Variants in HDAC8 observed in about 807,000 individuals in gnomAD.
HDAC8 encodes the protein histone deacetylase 8, also known as histone deacetylase-like 1.
HDAC8 carries 1 observed loss-of-function variant against 32.2 expected under a neutral mutation model. The observed-to-expected ratio is 0.03, with a 90% CI of 0.01 to 0.15. The LOEUF is 0.15. Ranked by LOEUF, HDAC8 falls within the 10% of genes least tolerant of loss-of-function variation. The pLI, the probability that HDAC8 is intolerant of heterozygous loss-of-function variation, is 1.00. For missense variants in HDAC8, 117 were observed against 300.0 expected (o/e 0.39, Z 4.51); for synonymous variants, 108 against 113.9 (o/e 0.95, Z 0.33).
At chrX:72,547,402 T>C (rs1392615509) in intron 4 of HDAC8, among the ~76,000 whole-genome samples, 1 of 107,370 alleles carries the variant, frequency 9.3e-6, no homozygotes, top group Non-Finnish European at 1.9e-5. Context: ...CCTCTTGGGG[T>C]TCTAGGCTCT....
At chrX:72,492,342 T>C in intron 5 of HDAC8, among the ~76,000 whole-genome samples, 1 of 111,881 alleles carries the variant, frequency 8.9e-6, no homozygotes, top group Non-Finnish European at 1.9e-5. Context: ...TTCATAAGTT[T>C]AGTGGCCATT....
In HDAC8 at chrX:72,372,266, C is replaced by T. The variant is rs190103326; in HGVS notation, c.1006-20428G>A. On this transcript the variant is annotated intron_variant, in intron 9 of 10. Coordinates refer to ENST00000373573, the MANE Select transcript of HDAC8 (RefSeq NM_018486.3). ...TTCACAGGTCCTTCCTTCTTCCTAC[C>T]TCCACACTATTCCCTGCTTGGGTCT... Among the ~76,000 whole-genome samples the T allele has an allele frequency of 3.6e-5, 4 of 111,369 alleles. No homozygotes were observed. In the East Asian group the frequency reaches 8.4e-4, roughly 24 times the overall value.
chrX:72,376,834 C>A (rs188696902), intron 9 of HDAC8: 1 of 111,830 alleles, frequency 8.9e-6, no homozygotes, highest in Non-Finnish European at 1.9e-5. Flanking sequence ...TTAAGCAGAC[C>A]TTTGCAGTTA....
At chrX:72,545,031 TATCTTTA>T (rs2050818458) in intron 4 of HDAC8, among the ~76,000 whole-genome samples, 1 of 111,415 alleles carries the variant, frequency 9.0e-6, no homozygotes, top group Non-Finnish European at 1.9e-5. Context: ...TGGTAGATAG[TATCTTTA>T]TTTGCCTTAT....
chrX:72,386,504 G>C (rs1182270703), intron 9 of HDAC8, among the ~76,000 whole-genome samples: 1 of 111,263 alleles, frequency 9.0e-6, no homozygotes, highest in African/African-American at 3.3e-5. Flanking sequence ...ATTCTGAATG[G>C]TGGGAATAAG....
intron 4 of HDAC8, among the ~76,000 whole-genome samples, chrX:72,504,812 G>A (rs73498388): frequency 0.024 from 2,695 of 111,333 alleles, 73 homozygotes; most frequent in African/African-American, 0.083. Context: ...TTACTTTCTC[G>A]CCAGCAGTGT....
chrX:72,549,330 T>C (rs1178137346), intron 4 of HDAC8, among the ~76,000 whole-genome samples: 1 of 110,554 alleles, frequency 9.0e-6, no homozygotes, highest in African/African-American at 3.3e-5. Flanking sequence ...ATTCTATATA[T>C]GCTTCCAAGG....
At chrX:72,539,135 A>G (rs1734040676) in intron 4 of HDAC8, among the ~76,000 whole-genome samples, 2 of 112,381 alleles carry the variant, frequency 1.8e-5, no homozygotes, top group Non-Finnish European at 3.8e-5. Context: ...TAATTGTAAC[A>G]ATGTTTCATA....
Position 72,335,661 on chromosome X carries a change from A to G in HDAC8, c.1112-5585T>C, listed in dbSNP as rs1399190433. 3.2e-4 allele frequency among the ~76,000 whole-genome samples: 36 copies of G among 111,604 alleles called. No homozygotes were observed. In the Admixed American group the frequency reaches 3.4e-3, roughly 11 times the overall value. On this transcript the variant is annotated intron_variant, in intron 10 of 10. Coordinates refer to ENST00000373573, the MANE Select transcript of HDAC8 (RefSeq NM_018486.3). ...CACAGTGGCTCATGCCTGTAATCCC[A>G]GTGTTTTGGGAGGCTGAGGCGGGAG...
At chrX:72,347,454 G>A (rs888058472) in intron 10 of HDAC8, among the ~76,000 whole-genome samples, 6 of 111,587 alleles carry the variant, frequency 5.4e-5, no homozygotes, top group Non-Finnish European at 7.5e-5. Context: ...GAAACCTCCA[G>A]TTACAACTGT....
intron 4 of HDAC8, chrX:72,567,631 AG>A: frequency 1.4e-6 from 1 of 701,439 alleles, no homozygotes; most frequent in South Asian, 2.4e-5. Flanking sequence ...AGGCCTAGGG[AG>A]GGTAATCAGT....
Position 72,474,700 on chromosome X carries a change from A to T in HDAC8, c.738-9969T>A, listed in dbSNP as rs782287729. 1.4e-5 allele frequency: 17 copies of T among 1,203,726 alleles called. No individual in the cohort carries two copies. The East Asian group carries it at 5.0e-4, about 36-fold the overall frequency. ...GACAAGCTGCGGCAGCTGCTTCTAC[A>T]GGCCTGGATTTGGGGCAGGAGGTTC... On this transcript the variant is annotated intron_variant, in intron 7 of 10. Transcript: ENST00000373573.
At chrX:72,500,503 C>G (rs1306978265) in intron 4 of HDAC8, among the ~76,000 whole-genome samples, 1 of 111,934 alleles carries the variant, frequency 8.9e-6, no homozygotes, top group African/African-American at 3.2e-5. Flanking sequence ...TGATTCATCA[C>G]ATAAACAGAA....
In HDAC8 at chrX:72,389,007, A is replaced by G. The variant is rs189068629; in HGVS notation, c.1006-37169T>C. Among the ~76,000 whole-genome samples the G allele has an allele frequency of 6.2e-5, 7 of 112,307 alleles. No homozygotes were observed. In the East Asian group the frequency reaches 2.0e-3, roughly 31 times the overall value. On this transcript the variant is annotated intron_variant, in intron 9 of 10. Coordinates refer to ENST00000373573, the MANE Select transcript of HDAC8 (RefSeq NM_018486.3). ...TATGGCTGCCTGAGCTGACTAATAC[A>G]ATTAGTTTTAGCTACATTATTAATA...
chrX:72,560,967 TA>T lies in HDAC8; in HGVS notation c.437+6921del, dbSNP rs1161193241. Among the ~76,000 whole-genome samples, 421 of 104,529 alleles carry T rather than the reference TA, an allele frequency of 4.0e-3. 3 individuals are homozygous for T. The highest frequency in any genetic ancestry group is 0.011 in the African/African-American group (327 of 28,763). The allele number at this position is 104,529 out of a possible 115,157, so 90.8% of individuals were successfully genotyped here. A position where few individuals can be genotyped will look rare whatever the true frequency, so the allele number is the denominator to read the frequency against. On this transcript the variant is annotated intron_variant, in intron 4 of 10. Transcript: ENST00000373573. ...ATTGAATGTAGTTTACTAATAAAAA[TA>T]AAAAAAAAAGAATATACCTAATCAA...
intron 4 of HDAC8, among the ~76,000 whole-genome samples, chrX:72,559,886 CGGGA>C (rs1471185482): frequency 9.2e-6 from 1 of 108,690 alleles, no homozygotes; most frequent in African/African-American, 3.4e-5. Flanking sequence ...CCACCCCGTC[CGGGA>C]GGGAGGTGGA....
intron 9 of HDAC8, among the ~76,000 whole-genome samples, chrX:72,409,050 C>T (rs963725005): frequency 8.9e-6 from 1 of 112,189 alleles, no homozygotes; most frequent in African/African-American, 3.2e-5. Context: ...CTTTCACATT[C>T]ATTTGCTTTT....
intron 4 of HDAC8, among the ~76,000 whole-genome samples, chrX:72,542,903 G>A (rs923371180): frequency 8.9e-6 from 1 of 112,277 alleles, no homozygotes; most frequent in Non-Finnish European, 1.9e-5. Context: ...GTATGTGCCA[G>A]GCACTATTCT....
intron 4 of HDAC8, among the ~76,000 whole-genome samples, chrX:72,533,483 G>A (rs782435274): frequency 9.0e-5 from 10 of 111,257 alleles, no homozygotes; most frequent in Non-Finnish European, 1.5e-4. Flanking sequence ...CCTAGAACTA[G>A]AAACAGACAG....
Sources: allele counts gnomAD v4.1 joint callset (sites outside exome capture counted in the v4.1 genomes callset), GRCh38; gene constraint gnomAD v4.1.1; transcripts MANE v1.5; gene names NCBI Gene and HGNC (gene_info 2026-07-23, HGNC 2026-07-21).